Variants in CSMD1 observed in about 807,000 individuals in gnomAD.
The protein encoded by CSMD1 is CUB and Sushi multiple domains 1.
In CSMD1, 213 loss-of-function variants were observed where a neutral mutation model predicts 417.5. That is an observed-to-expected ratio of 0.51 (90% confidence interval 0.46 to 0.57). CSMD1 has a LOEUF of 0.57. Among genes scored for constraint, CSMD1 ranks in the 20% least tolerant of loss-of-function variants. CSMD1 has a pLI of 0.00. For synonymous variants in CSMD1, 2,862 were observed against 1,736.8 expected (o/e 1.65, Z -16.11); for missense variants, 6,923 against 4,529.7 (o/e 1.53, Z -15.17).
chr8:4,083,279 G>A (rs953812017), intron 3 of CSMD1, among the ~76,000 whole-genome samples: 32 of 152,050 alleles, frequency 2.1e-4, no homozygotes, highest in African/African-American at 3.9e-4. Flanking sequence ...AGCACCTGTC[G>A]TTTCCTGACT....
At chr8:4,880,590 C>G (rs1031361531) in intron 1 of CSMD1, among the ~76,000 whole-genome samples, 2 of 152,104 alleles carry the variant, frequency 1.3e-5, no homozygotes, top group Non-Finnish European at 2.9e-5. Flanking sequence ...CCTGTGTTCT[C>G]AAAGCCCACA....
At position 3,586,243 on chromosome 8, in the gene CSMD1, T is replaced by G. The variant is rs768180989; in HGVS notation, c.1115A>C (p.Gln372Pro). The G allele has an allele frequency of 9.3e-6, 15 of 1,609,190 alleles. No homozygotes were observed. In the South Asian group the frequency reaches 1.7e-4, roughly 18 times the overall value. Residue 372 changes from glutamine (Q) to proline (P), a missense_variant, in exon 9 of 70, where the codon CAG (glutamine) becomes CCG (proline). Physicochemically the swap from Gln to Pro is moderately conservative, Grantham distance 76. Coordinates refer to ENST00000635120, the MANE Select transcript of CSMD1 (RefSeq NM_033225.6). ...GSDFRVGANVQFSCEDNYVLQ... is the reference protein window; with the variant it reads ...GSDFRVGANVPFSCEDNYVLQ... ...CACGTAATTGTCCTCACATGAAAAC[T>G]GTACATTTGCACCAACCCTAAGCCG...
chr8:4,127,931 G>C (rs181425147), intron 3 of CSMD1, among the ~76,000 whole-genome samples: 1 of 152,190 alleles, frequency 6.6e-6, no homozygotes, highest in Non-Finnish European at 1.5e-5. Context: ...AGCATGCACA[G>C]TTAAACACTA....
chr8:4,532,411 C>A (rs113495446), intron 2 of CSMD1, among the ~76,000 whole-genome samples: 2 of 140,786 alleles, frequency 1.4e-5, no homozygotes, highest in Non-Finnish European at 1.5e-5. Flanking sequence ...TCAGTCACTC[C>A]GGAAAATAAA....
intron 3 of CSMD1, among the ~76,000 whole-genome samples, chr8:4,308,822 C>G (rs1798399285): frequency 6.6e-6 from 1 of 152,128 alleles, no homozygotes; most frequent in African/African-American, 2.4e-5. Context: ...TTGTTTCCTT[C>G]ATTTATGAAG....
At chr8:3,308,204 A>T in intron 24 of CSMD1, 108 bp downstream of exon 24, 3 of 820,476 alleles carry the variant, frequency 3.7e-6, no homozygotes, top group South Asian at 3.9e-5. Flanking sequence ...CACACTGGAA[A>T]GTGTGATAAA....
intron 5 of CSMD1, among the ~76,000 whole-genome samples, chr8:3,871,019 A>G (rs1805449548): frequency 6.6e-6 from 1 of 152,056 alleles, no homozygotes; most frequent in South Asian, 2.1e-4. Flanking sequence ...TTTTTAAAAA[A>G]ATTCAATACA....
intron 2 of CSMD1, among the ~76,000 whole-genome samples, chr8:4,436,848 C>G (rs942494579): frequency 1.3e-5 from 2 of 152,168 alleles, no homozygotes; most frequent in Non-Finnish European, 2.9e-5. Flanking sequence ...ATGAGTGAAT[C>G]TCATCCTTTT....
chr8:4,485,138 T>C (rs1801310499), intron 2 of CSMD1, among the ~76,000 whole-genome samples: 1 of 152,030 alleles, frequency 6.6e-6, no homozygotes, highest in South Asian at 2.1e-4. Flanking sequence ...GTCTTCGGCA[T>C]AGGCTGTATG....
intron 3 of CSMD1, among the ~76,000 whole-genome samples, chr8:4,074,457 G>T (rs1036278643): frequency 3.9e-5 from 6 of 152,010 alleles, no homozygotes; most frequent in African/African-American, 1.4e-4. Flanking sequence ...AGAAGCATTT[G>T]TCCATAAACC....
chr8:3,184,621 A>G (rs981923414), intron 36 of CSMD1, among the ~76,000 whole-genome samples: 1 of 152,188 alleles, frequency 6.6e-6, no homozygotes, highest in Admixed American at 6.5e-5. Context: ...ATGCTTGCAC[A>G]TTTTATTTCT....
chr8:4,663,976 G>T (rs1804764677), intron 1 of CSMD1, among the ~76,000 whole-genome samples: 1 of 152,162 alleles, frequency 6.6e-6, no homozygotes, highest in South Asian at 2.1e-4. Flanking sequence ...CTGAGGAAGT[G>T]GCTCCTGTTG....
intron 10 of CSMD1, among the ~76,000 whole-genome samples, chr8:3,499,601 G>T (rs541779607): frequency 6.6e-6 from 1 of 152,194 alleles, no homozygotes; most frequent in Admixed American, 6.5e-5. Context: ...TGTGCCTCAA[G>T]AATTCAGCTC....
intron 4 of CSMD1, among the ~76,000 whole-genome samples, chr8:4,027,458 G>T (rs552507113): frequency 2.0e-5 from 3 of 152,090 alleles, no homozygotes; most frequent in Admixed American, 6.5e-5. Flanking sequence ...TGCTGTTCTT[G>T]TGACAGTGGG....
At chr8:4,215,067 A>C (rs1177652690) in intron 3 of CSMD1, among the ~76,000 whole-genome samples, 2 of 152,202 alleles carry the variant, frequency 1.3e-5, no homozygotes, top group East Asian at 3.9e-4. Context: ...AAGCCATGGA[A>C]CCAACGAAAT....
intron 7 of CSMD1, among the ~76,000 whole-genome samples, chr8:3,676,908 A>C (rs1336012008): frequency 4.6e-5 from 7 of 152,040 alleles, no homozygotes; most frequent in African/African-American, 1.7e-4. Flanking sequence ...CAAGAACAGA[A>C]AACCAAACAC....
chr8:4,305,621 C>G (rs1459185469), intron 3 of CSMD1, among the ~76,000 whole-genome samples: 2 of 152,252 alleles, frequency 1.3e-5, no homozygotes, highest in South Asian at 2.1e-4. Context: ...CACGTAAGAC[C>G]GTTTTAGCTG....
At chr8:3,484,785 C>T (rs1817931438) in intron 11 of CSMD1, among the ~76,000 whole-genome samples, 1 of 152,110 alleles carries the variant, frequency 6.6e-6, no homozygotes, top group Admixed American at 6.5e-5. Context: ...AGACATTTTG[C>T]CAAAGAGGAT....
chr8:3,111,511 G>A (rs994266411), intron 42 of CSMD1, among the ~76,000 whole-genome samples: 6 of 152,198 alleles, frequency 3.9e-5, no homozygotes, highest in South Asian at 2.1e-4. Context: ...CAGGGTCTGC[G>A]ATACTCCTGA....
Sources: allele counts gnomAD v4.1 joint callset (sites outside exome capture counted in the v4.1 genomes callset), GRCh38; gene constraint gnomAD v4.1.1; transcripts MANE v1.5; gene names NCBI Gene and HGNC (gene_info 2026-07-23, HGNC 2026-07-21).